The following FBXW4 variants were observed in gnomAD, a reference collection of about 807,000 sequenced individuals.
FBXW4 encodes the protein F-box and WD repeat domain containing 4, also known as F-box/WD repeat-containing protein 4.
In FBXW4, 40 loss-of-function variants were observed where a neutral mutation model predicts 61.8. That is an observed-to-expected ratio of 0.65 (90% CI 0.50 to 0.84). The LOEUF (loss-of-function observed/expected upper bound fraction) is 0.84. Ranked by LOEUF, FBXW4 falls within the 40% of genes least tolerant of loss-of-function variation. The pLI, the probability that FBXW4 is intolerant of heterozygous loss-of-function variation, is 0.00. For synonymous variants in FBXW4, 311 were observed against 313.8 expected, an observed-to-expected ratio of 0.99 and a Z score of 0.10; for missense variants, 672 against 753.8, an observed-to-expected ratio of 0.89 and a Z score of 1.27.
intron 1 of FBXW4, among the ~76,000 whole-genome samples, chr10:101,689,940 T>C (rs775702999): frequency 6.6e-6 from 1 of 152,132 alleles, no homozygotes; most frequent in Non-Finnish European, 1.5e-5. Flanking sequence ...TAAACACCTA[T>C]TGTTAATTCC....
intron 6 of FBXW4, among the ~76,000 whole-genome samples, chr10:101,617,329 A>G (rs892636006): frequency 6.6e-6 from 1 of 152,126 alleles, no homozygotes; most frequent in Admixed American, 6.5e-5. Flanking sequence ...TGGCCCCTCA[A>G]CATCCTCAGG....
chr10:101,695,270 G>C (rs2064664621), upstream of FBXW4: 1 of 905,714 alleles, frequency 1.1e-6, no homozygotes, highest in Non-Finnish European at 1.3e-6. This position sits in a 1 kb window ranked among gnomAD's most constrained non-coding sequence, Gnocchi z 4.2. Flanking sequence ...CGGGGTGCGG[G>C]CTGGGGCCGG....
At chr10:101,613,645 T>G (rs1292600273) in intron 6 of FBXW4, among the ~76,000 whole-genome samples, 4 of 152,186 alleles carry the variant, frequency 2.6e-5, no homozygotes, top group Non-Finnish European at 5.9e-5. Context: ...CTCTCGTCCT[T>G]CCACCTCACT....
At chr10:101,688,165 T>G (rs2064553076) in intron 1 of FBXW4, among the ~76,000 whole-genome samples, 1 of 152,222 alleles carries the variant, frequency 6.6e-6, no homozygotes, top group African/African-American at 2.4e-5. Flanking sequence ...GACCTCCAAT[T>G]TTGTGCTGTG....
At chr10:101,656,030 T>C (rs780166282) in intron 5 of FBXW4, among the ~76,000 whole-genome samples, 2 of 152,314 alleles carry the variant, frequency 1.3e-5, no homozygotes, top group South Asian at 4.1e-4. Flanking sequence ...ATCTCAGCTT[T>C]TTCTTCAGCC....
intron 5 of FBXW4, among the ~76,000 whole-genome samples, chr10:101,649,981 C>T (rs539914089): frequency 1.3e-5 from 2 of 152,284 alleles, no homozygotes; most frequent in South Asian, 4.1e-4. Context: ...TTTGCTCTCC[C>T]CAGAAGCAGA....
At chr10:101,639,821 G>A (rs1431045595) in intron 5 of FBXW4, among the ~76,000 whole-genome samples, 1 of 152,216 alleles carries the variant, frequency 6.6e-6, no homozygotes, top group African/African-American at 2.4e-5. Context: ...CAGCACTATG[G>A]CCTCTGGTTC....
chr10:101,660,237 A>G lies in FBXW4; in HGVS notation c.1235+7649T>C, dbSNP rs1222903051. 1.0e-5 allele frequency: 10 copies of G among 979,990 alleles called. No individual in the cohort carries two copies. The East Asian group carries it at 1.2e-3, about 117-fold the overall frequency. The allele number at this position is 979,990 out of a possible 1,614,324, so 60.7% of individuals were successfully genotyped here. ...TTACATCTTGTACCTCCAAAACTCC[A>G]GCTCCAGGAATTCCCTTTGAACCTC... On this transcript the variant is annotated intron_variant, in intron 5 of 8. Coordinates refer to ENST00000331272, the MANE Select transcript of FBXW4 (RefSeq NM_022039.4).
At chr10:101,649,143 C>T (rs1356099940) in intron 5 of FBXW4, among the ~76,000 whole-genome samples, 1 of 152,120 alleles carries the variant, frequency 6.6e-6, no homozygotes, top group Non-Finnish European at 1.5e-5. Context: ...ATGAAGCATG[C>T]TGAACTCCAA....
At chr10:101,691,030 G>A (rs182018765) in intron 1 of FBXW4, among the ~76,000 whole-genome samples, 114 of 152,224 alleles carry the variant, frequency 7.5e-4, no homozygotes, top group Admixed American at 2.0e-3. Context: ...ACCAGGCAAG[G>A]TTATTCCCAT....
chr10:101,664,689 G>C (rs2064281654), intron 5 of FBXW4, among the ~76,000 whole-genome samples: 1 of 152,184 alleles, frequency 6.6e-6, no homozygotes, highest in South Asian at 2.1e-4. Flanking sequence ...CTTGACAGCA[G>C]TTGAAGCCAC....
chr10:101,649,776 T>A (rs754039642), intron 5 of FBXW4, among the ~76,000 whole-genome samples: 4 of 152,190 alleles, frequency 2.6e-5, no homozygotes, highest in Non-Finnish European at 5.9e-5. Context: ...CAGGGCCACC[T>A]CATCTCAGCG....
At chr10:101,667,256 C>A (rs1350244102) in intron 5 of FBXW4, among the ~76,000 whole-genome samples, 1 of 151,144 alleles carries the variant, frequency 6.6e-6, no homozygotes, top group South Asian at 2.1e-4. Context: ...CCAAACACCC[C>A]ATTTCTAAAT....
intron 5 of FBXW4, among the ~76,000 whole-genome samples, chr10:101,649,004 C>T (rs542781972): frequency 6.6e-6 from 1 of 152,160 alleles, no homozygotes; most frequent in Non-Finnish European, 1.5e-5. Context: ...GGGTGCTCCA[C>T]AAAGTTACCA....
chr10:101,695,109 C>T lies in FBXW4; in HGVS notation c.-4G>A. ...CCGAGCGGCCCTGGCTGCCCATGAGCGGCCGCGGGGCCGGCCCGACGCGGA... is the reference window on the plus strand; with the variant it reads ...CCGAGCGGCCCTGGCTGCCCATGAGTGGCCGCGGGGCCGGCCCGACGCGGA... On this transcript the variant is annotated 5_prime_UTR_variant, in exon 1 of 9. Transcript: ENST00000331272. The surrounding 1 kb of genome is among the most constrained non-coding windows in gnomAD (Gnocchi z 4.2). The T allele has an allele frequency of 2.0e-6, 2 of 985,470 alleles. No homozygotes were observed. Among genetic ancestry groups the T allele is most frequent in the Non-Finnish European group, 2.4e-6 (2 of 830,210 alleles). 61.0% of individuals were successfully genotyped at this position (985,470 alleles called of 1,614,324 possible).
At chr10:101,672,764 T>A (rs1485331366) in intron 4 of FBXW4, 151 bp downstream of exon 4, 12 of 841,728 alleles carry the variant, frequency 1.4e-5, no homozygotes, top group Admixed American at 3.3e-5. Flanking sequence ...GCAAGCTGCA[T>A]GCCAGAGGCA....
chr10:101,636,288 G>C (rs887078801), intron 5 of FBXW4, among the ~76,000 whole-genome samples: 1 of 151,854 alleles, frequency 6.6e-6, no homozygotes, highest in Non-Finnish European at 1.5e-5. Flanking sequence ...GGAGGCAAAG[G>C]TTGTGGTGAG....
intron 5 of FBXW4, chr10:101,626,974 G>A: frequency 6.6e-6 from 1 of 151,932 alleles, no homozygotes; most frequent in Non-Finnish European, 1.5e-5. Flanking sequence ...CTCTATTCTG[G>A]CCCACCCACA....
rs1244076155 is a variant in FBXW4 at position 101,611,108 on chromosome 10, A to G, written c.*183T>C. The G allele has an allele frequency of 1.1e-5, 8 of 701,184 alleles. No homozygotes were observed. Among genetic ancestry groups the G allele is most frequent in the Non-Finnish European group, 1.8e-5 (8 of 437,940 alleles). The allele number at this position is 701,184 out of a possible 1,614,324, so 43.4% of individuals were successfully genotyped here. A position where few individuals can be genotyped will look rare whatever the true frequency, so the allele number is the denominator to read the frequency against. ...CCAACAGGTTCCTGGGAGGGACTGC[A>G]TCTCTGGTAAGCTCCAAAGTCCCAG... is the stretch of plus-strand genomic sequence containing the variant. On this transcript the variant is annotated 3_prime_UTR_variant, in exon 9 of 9. Coordinates refer to ENST00000331272, the MANE Select transcript of FBXW4 (RefSeq NM_022039.4). This position sits in a 1 kb window ranked among gnomAD's most constrained non-coding sequence, Gnocchi z 4.9.
Sources: allele counts gnomAD v4.1 joint callset (sites outside exome capture counted in the v4.1 genomes callset), GRCh38; gene constraint gnomAD v4.1.1; non-coding constraint Gnocchi (gnomAD v3.1); transcripts MANE v1.5; gene names NCBI Gene and HGNC (gene_info 2026-07-23, HGNC 2026-07-21).